Variants in AFF2 observed in about 807,000 individuals in gnomAD.
AFF2 encodes ALF transcription elongation factor 2, also known as AF4/FMR2 family member 2.
Under a neutral mutation model 76.9 loss-of-function variants are expected in AFF2, and 14 were observed. The observed-to-expected ratio is 0.18, with a 90% CI of 0.12 to 0.28. The LOEUF is 0.28. Among genes scored for constraint, AFF2 ranks in the 10% least tolerant of loss-of-function variants. The pLI is 1.00. For synonymous variants in AFF2, 398 were observed against 366.7 expected, an observed-to-expected ratio of 1.09 and a Z score of -0.98; for missense variants, 868 against 1,001.1, an observed-to-expected ratio of 0.87 and a Z score of 1.79.
intron 3 of AFF2, among the ~76,000 whole-genome samples, chrX:148,709,174 A>G (rs1432798603): frequency 8.9e-6 from 1 of 111,984 alleles, no homozygotes; most frequent in Admixed American, 9.5e-5. Context: ...ATTGTAGATT[A>G]AAGCTTATTT....
chrX:148,636,195 T>C (rs1557253776), intron 1 of AFF2, among the ~76,000 whole-genome samples: 1 of 111,252 alleles, frequency 9.0e-6, no homozygotes, highest in Non-Finnish European at 1.9e-5. Context: ...GAGGCAATTA[T>C]AGGCAGATTC....
chrX:148,743,253 A>G (rs1483755109), intron 3 of AFF2, among the ~76,000 whole-genome samples: 3 of 112,249 alleles, frequency 2.7e-5, no homozygotes, highest in East Asian at 5.6e-4. Flanking sequence ...GTGTTTTTCA[A>G]TGAGTAACAA....
chrX:148,817,051 G>A (rs782447342), intron 4 of AFF2, among the ~76,000 whole-genome samples: 195 of 110,248 alleles, frequency 1.8e-3, no homozygotes, highest in African/African-American at 6.2e-3. Flanking sequence ...AAACCATGAA[G>A]CAATTTTATC....
chrX:148,905,383 A>G (rs1421037949), intron 9 of AFF2, among the ~76,000 whole-genome samples: 10 of 112,004 alleles, frequency 8.9e-5, no homozygotes, highest in African/African-American at 2.9e-4. Flanking sequence ...TATTTGTAGT[A>G]GCTGAGGTTT....
chrX:148,553,300 A>G (rs577197848), intron 1 of AFF2, among the ~76,000 whole-genome samples: 1 of 112,030 alleles, frequency 8.9e-6, no homozygotes, highest in African/African-American at 3.2e-5. Context: ...TTGCAGCCAC[A>G]TTAGAAAAGG....
intron 1 of AFF2, among the ~76,000 whole-genome samples, chrX:148,549,861 C>G (rs2052970509): frequency 8.9e-6 from 1 of 112,227 alleles, no homozygotes; most frequent in Admixed American, 9.4e-5. Flanking sequence ...CTACCTTTCA[C>G]TCTTGGTTAT....
chrX:148,946,707 G>C (rs2071904752), intron 9 of AFF2, among the ~76,000 whole-genome samples: 1 of 112,276 alleles, frequency 8.9e-6, no homozygotes, highest in African/African-American at 3.2e-5. Context: ...GCCAGTTCCA[G>C]CTTCTAGAGG....
At position 148,560,914 on chromosome X, in the gene AFF2, AC is replaced by A. The variant is rs782389034; in HGVS notation, c.47+59774del. Among the ~76,000 whole-genome samples the A allele has an allele frequency of 6.3e-5, 7 of 110,796 alleles. No individual in the cohort carries two copies. The East Asian group carries it at 2.0e-3, about 32-fold the overall frequency. On this transcript the variant is annotated intron_variant, in intron 1 of 20. Transcript: ENST00000370460. ...GGGGTTTTACCTGATTTTTCTCTGT[AC>A]CCCTCGCCACTTCAGTGTGAATGTA...
At chrX:148,812,091 G>C (rs782790895) in intron 4 of AFF2, among the ~76,000 whole-genome samples, 2 of 109,523 alleles carry the variant, frequency 1.8e-5, no homozygotes, top group African/African-American at 3.3e-5. Flanking sequence ...TGAAATTTGC[G>C]TCCCCAATTT....
chrX:148,988,617 A>G (rs2072500746), intron 20 of AFF2, among the ~76,000 whole-genome samples: 1 of 112,154 alleles, frequency 8.9e-6, no homozygotes, highest in Non-Finnish European at 1.9e-5. Flanking sequence ...TTCTGAGTTC[A>G]AGGTAGAAAT....
intron 3 of AFF2, among the ~76,000 whole-genome samples, chrX:148,805,398 A>C (rs1250525551): frequency 9.0e-6 from 1 of 111,285 alleles, no homozygotes; most frequent in Non-Finnish European, 1.9e-5. Context: ...ATCCCTTGGT[A>C]ATAATATACT....
At position 148,554,839 on chromosome X, in the gene AFF2, T is replaced by G. The variant is rs1038046966; in HGVS notation, c.47+53695T>G. ...ACAGAATGAATGTTCAATAGATGTGTGTTGAATGGCTGGATGGGAGAATGG... is the reference window on the plus strand; with the variant it reads ...ACAGAATGAATGTTCAATAGATGTGGGTTGAATGGCTGGATGGGAGAATGG... On this transcript the variant is annotated intron_variant, in intron 1 of 20. Coordinates refer to ENST00000370460, the MANE Select transcript of AFF2 (RefSeq NM_002025.4). 2.7e-5 allele frequency among the ~76,000 whole-genome samples: 3 copies of G among 112,430 alleles called. No homozygotes were observed. In the South Asian group the frequency reaches 1.1e-3, roughly 42 times the overall value.
intron 3 of AFF2, among the ~76,000 whole-genome samples, chrX:148,733,620 C>A (rs2055252774): frequency 9.0e-6 from 1 of 111,637 alleles, no homozygotes; most frequent in Non-Finnish European, 1.9e-5. Flanking sequence ...TTTATCCAAG[C>A]AAAAGCCATA....
chrX:148,905,900 C>G (rs1044207047), intron 9 of AFF2, among the ~76,000 whole-genome samples: 3 of 112,566 alleles, frequency 2.7e-5, no homozygotes, highest in Non-Finnish European at 5.6e-5. Context: ...AGTGCACACT[C>G]TATCTAATGT....
intron 7 of AFF2, among the ~76,000 whole-genome samples, chrX:148,863,340 C>T (rs2070870887): frequency 8.9e-6 from 1 of 111,781 alleles, no homozygotes; most frequent in African/African-American, 3.3e-5. Context: ...TACAAAAGTA[C>T]AGTTTACAAG....
intron 1 of AFF2, among the ~76,000 whole-genome samples, chrX:148,529,683 G>A (rs1458254187): frequency 9.0e-6 from 1 of 111,655 alleles, no homozygotes; most frequent in Non-Finnish European, 1.9e-5. Flanking sequence ...CTGAGGGTAG[G>A]AGTACTCCCA....
intron 8 of AFF2, among the ~76,000 whole-genome samples, chrX:148,895,645 C>A (rs1376599061): frequency 9.4e-6 from 1 of 106,082 alleles, no homozygotes; most frequent in Non-Finnish European, 1.9e-5. Context: ...ACAGAGATAC[C>A]GAAACAAATA....
At chrX:148,792,056 T>C (rs1282918852) in intron 3 of AFF2, among the ~76,000 whole-genome samples, 1 of 111,167 alleles carries the variant, frequency 9.0e-6, no homozygotes, top group Non-Finnish European at 1.9e-5. Context: ...TTTTGTACAG[T>C]GATTAAGAAC....
Position 148,881,996 on chromosome X carries a change from G to A in AFF2, c.1263-3893G>A, listed in dbSNP as rs1374928585. Among the ~76,000 whole-genome samples the A allele has an allele frequency of 3.6e-5, 4 of 110,963 alleles. 1 individual carries two copies. Among genetic ancestry groups the A allele is most frequent in the African/African-American group, 9.8e-5 (3 of 30,502 alleles). On this transcript the variant is annotated intron_variant, in intron 7 of 20. Coordinates refer to ENST00000370460, the MANE Select transcript of AFF2 (RefSeq NM_002025.4). Reference sequence around the variant, plus strand: ...TTGAACTCAGGTCTGTTTGGCTCTCGAGACCTTGCTCTTAAGTCCATGCTG... The same window carrying A: ...TTGAACTCAGGTCTGTTTGGCTCTCAAGACCTTGCTCTTAAGTCCATGCTG...
Sources: gnomAD v4.1 joint callset for allele counts (sites outside exome capture counted in the v4.1 genomes callset) on GRCh38, gnomAD v4.1.1 for gene constraint, MANE v1.5 for transcripts, NCBI Gene and HGNC (gene_info 2026-07-23, HGNC 2026-07-21) for gene names.